Variants in TARBP1 observed in about 807,000 individuals in gnomAD.
TARBP1 encodes tRNA guanosine 2 -O-methyltransferase TARBP1.
A neutral mutation model predicts 178.6 loss-of-function variants in TARBP1; 144 were observed. That is an observed-to-expected ratio of 0.81 (90% CI 0.70 to 0.93). TARBP1 has a LOEUF of 0.93. Among genes scored for constraint, TARBP1 ranks in the 40% least tolerant of loss-of-function variants. The probability of loss-of-function intolerance (pLI) is 0.00; values close to 1 mark genes in which losing one functional copy is unlikely to be tolerated. For synonymous variants in TARBP1, 787 were observed against 781.0 expected, an observed-to-expected ratio of 1.01 and a Z score of -0.13; for missense variants, 2,067 against 2,011.7, an observed-to-expected ratio of 1.03 and a Z score of -0.53.
At chr1:234,462,713 C>T (rs1014055284) in intron 6 of TARBP1, among the ~76,000 whole-genome samples, 31 of 140,746 alleles carry the variant, frequency 2.2e-4, no homozygotes, top group Non-Finnish European at 4.6e-4. Flanking sequence ...AAAAGAATGA[C>T]TCTAACAGTT....
chr1:234,478,260 T>C lies in TARBP1; in HGVS notation c.844A>G (p.Lys282Glu), dbSNP rs745404970. The change falls in exon 1 of 30, where the codon AAG becomes GAG. Residue 282 changes from lysine to glutamate, a missense_variant. Transcript: ENST00000040877. ...GLGQADALTR[K>E]RARYLLQRAV... ...CTCTGCAGCAGGTAGCGCGCTCGCT[T>C]GCGCGTCAGGGCGTCCGCCTGGCCC... 7.5e-6 allele frequency: 12 copies of C among 1,605,500 alleles called. No homozygotes were observed. The highest frequency in any genetic ancestry group is 2.2e-5 in the East Asian group (1 of 44,474).
chr1:234,468,136 T>C (rs905950626), intron 3 of TARBP1, among the ~76,000 whole-genome samples: 2 of 117,702 alleles, frequency 1.7e-5, no homozygotes, highest in African/African-American at 7.5e-5. Flanking sequence ...CAGTATTCCG[T>C]ATTCAGGCAG....
chr1:234,457,550 C>T (rs1667410918), intron 9 of TARBP1, 117 bp downstream of exon 9: 1 of 639,446 alleles, frequency 1.6e-6, no homozygotes. Context: ...TTCAAAGTCT[C>T]TGCTGACAGA....
chr1:234,400,297 A>AGTCC (rs1410920255), intron 25 of TARBP1: 7 of 152,220 alleles, frequency 4.6e-5, no homozygotes, highest in African/African-American at 1.7e-4. Context: ...GTCCTGCAGA[A>AGTCC]AGATGCCGGA....
chr1:234,396,932 C>T (rs909993862), intron 26 of TARBP1, among the ~76,000 whole-genome samples: 8 of 151,666 alleles, frequency 5.3e-5, no homozygotes, highest in Non-Finnish European at 1.0e-4. Flanking sequence ...GCAGGATGGC[C>T]GGAGACTGGC....
intron 9 of TARBP1, among the ~76,000 whole-genome samples, chr1:234,453,990 C>A (rs887752861): frequency 2.6e-5 from 4 of 152,006 alleles, no homozygotes; most frequent in African/African-American, 9.7e-5. Context: ...ATTACAGAAC[C>A]GAAAAATTAA....
chr1:234,393,157 G>A (rs1287870732), intron 28 of TARBP1, among the ~76,000 whole-genome samples: 1 of 152,258 alleles, frequency 6.6e-6, no homozygotes, highest in East Asian at 1.9e-4. Flanking sequence ...AAACAGAAGT[G>A]AGCTGTATGT....
At position 234,478,154 on chromosome 1, in the gene TARBP1, G is replaced by A. The variant is rs1477762392; in HGVS notation, c.931+19C>T. The A allele has an allele frequency of 6.2e-7, 1 of 1,610,614 alleles. No individual in the cohort carries two copies. Among genetic ancestry groups the A allele is most frequent in the Admixed American group, 1.7e-5 (1 of 59,878 alleles). On this transcript the variant is annotated intron_variant, in intron 1 of 29. Coordinates refer to ENST00000040877, the MANE Select transcript of TARBP1 (RefSeq NM_005646.4). Reference sequence around the variant, plus strand: ...AGCCAAGTAGGTAGCACTAGGCTGGGGGGCAAAGAGGCAGGTACCGTTTCC... The same window carrying A: ...AGCCAAGTAGGTAGCACTAGGCTGGAGGGCAAAGAGGCAGGTACCGTTTCC...
rs530645066 is a variant in TARBP1 at position 234,417,973 on chromosome 1, T to C, written c.3705+111A>G. On this transcript the variant is annotated intron_variant, in intron 22 of 29. Coordinates refer to ENST00000040877, the MANE Select transcript of TARBP1 (RefSeq NM_005646.4). ...TGCAAAACATAACTTATGATGTCAA[T>C]ACAATAGGGCAACTGAGAGTCAAAA... 95 of 607,998 alleles carry C rather than the reference T, an allele frequency of 1.6e-4. No individual in the cohort carries two copies. In the African/African-American group the frequency reaches 1.7e-3, roughly 11 times the overall value. 37.7% of individuals were successfully genotyped at this position (607,998 alleles called of 1,614,324 possible).
intron 23 of TARBP1, chr1:234,407,617 T>C (rs935740927): frequency 2.0e-5 from 3 of 152,276 alleles, no homozygotes; most frequent in Admixed American, 6.5e-5. Flanking sequence ...ATTACAGGCA[T>C]GAGCCACAGT....
rs1572376856 is a variant in TARBP1 at position 234,457,944 on chromosome 1, TAACATA to T, written c.1633-194_1633-189del. ...TAAAAAGAAAATATTATTCAACTTT[TAACATA>T]AAGATACCATGTTAACTTAAAATTG... On this transcript the variant is annotated intron_variant, in intron 8 of 29. Coordinates refer to ENST00000040877, the MANE Select transcript of TARBP1 (RefSeq NM_005646.4). Among the ~76,000 whole-genome samples, 4 of 151,850 alleles carry T rather than the reference TAACATA, an allele frequency of 2.6e-5. No homozygotes were observed. The East Asian group carries it at 7.7e-4, about 29-fold the overall frequency.
At chr1:234,460,206 AT>A (rs1006243801) in intron 7 of TARBP1, 54 bp downstream of exon 7, 1 of 1,538,476 alleles carries the variant, frequency 6.5e-7, no homozygotes, top group Non-Finnish European at 8.7e-7. Context: ...AAATATATAT[AT>A]TGATGGAAAG....
At position 234,406,025 on chromosome 1, in the gene TARBP1, AT is replaced by A; in HGVS notation, c.3866del (p.Tyr1289LeufsTer3). On this transcript the variant is annotated frameshift_variant, in exon 24 of 30. Coordinates refer to ENST00000040877, the MANE Select transcript of TARBP1 (RefSeq NM_005646.4). LOFTEE classifies it high-confidence loss of function. ...AGAGTTTCTTAAGAGCAACTAAAGC[AT>A]ACAGTCGAACACTAAAATTGTGATT... ...CFNHNFSVRL[Y>X]ALVALKKLWT... The A allele has an allele frequency of 6.2e-7, 1 of 1,614,240 alleles. No homozygotes were observed. Among genetic ancestry groups the A allele is most frequent in the South Asian group, 1.1e-5 (1 of 91,086 alleles).
At chr1:234,461,629 G>GA (rs1367973569) in intron 6 of TARBP1, among the ~76,000 whole-genome samples, 1 of 152,120 alleles carries the variant, frequency 6.6e-6, no homozygotes, top group Admixed American at 6.6e-5. Flanking sequence ...AATTGTTTAT[G>GA]ATTAGAAGCC....
chr1:234,439,238 CTT>C (rs1202194417), intron 12 of TARBP1, among the ~76,000 whole-genome samples: 2 of 152,108 alleles, frequency 1.3e-5, no homozygotes, highest in Non-Finnish European at 2.9e-5. Flanking sequence ...GCCCTTTTCT[CTT>C]GAGTTCTTTA....
chr1:234,409,835 T>C (rs929161146), intron 23 of TARBP1, among the ~76,000 whole-genome samples: 5 of 152,244 alleles, frequency 3.3e-5, no homozygotes, highest in Admixed American at 2.6e-4. Flanking sequence ...TGCAATAATA[T>C]AGAATCTTAT....
At chr1:234,470,840 T>C (rs1668974830) in intron 3 of TARBP1, among the ~76,000 whole-genome samples, 1 of 152,166 alleles carries the variant, frequency 6.6e-6, no homozygotes, top group East Asian at 1.9e-4. Flanking sequence ...GGTCTTGAAC[T>C]CCTGACCTCA....
chr1:234,477,789 A>C (rs1351846878), intron 1 of TARBP1, among the ~76,000 whole-genome samples: 1 of 152,262 alleles, frequency 6.6e-6, no homozygotes, highest in African/African-American at 2.4e-5. Flanking sequence ...TTCACTGGTC[A>C]GTACAGATAA....
intron 17 of TARBP1, among the ~76,000 whole-genome samples, chr1:234,428,457 C>T (rs10797547): frequency 0.14 from 21,208 of 152,068 alleles, 1,652 homozygotes; most frequent in Middle Eastern, 0.26. Context: ...TCCTACTCAA[C>T]CGAGCGATCA....
Sources: gnomAD v4.1 joint callset for allele counts (sites outside exome capture counted in the v4.1 genomes callset) on GRCh38, gnomAD v4.1.1 for gene constraint, MANE v1.5 for transcripts, NCBI Gene and HGNC (gene_info 2026-07-23, HGNC 2026-07-21) for gene names.